Variants in DTWD2 observed in about 807,000 individuals in gnomAD.
DTWD2 encodes the protein DTW motif tRNA-uridine aminocarboxypropyltransferase 2.
DTWD2 carries 39 observed loss-of-function variants against 31.8 expected under a neutral mutation model. The observed-to-expected ratio is 1.22, with a 90% confidence interval of 0.95 to 1.60. The LOEUF is 1.60. DTWD2 is among the 40% of genes most tolerant of loss of function. The pLI, the probability that DTWD2 is intolerant of heterozygous loss-of-function variation, is 0.00. For synonymous variants in DTWD2, 180 were observed against 142.8 expected (o/e 1.26, Z -1.86); for missense variants, 515 against 381.5 (o/e 1.35, Z -2.92).
At chr5:118,842,042 C>T (rs914875505) in intron 5 of DTWD2, among the ~76,000 whole-genome samples, 1 of 152,108 alleles carries the variant, frequency 6.6e-6, no homozygotes, top group Non-Finnish European at 1.5e-5. Context: ...CTCTTACATG[C>T]GGCCAAATAT....
In DTWD2 at chr5:118,988,492, G is replaced by A. The variant is rs1037464068; in HGVS notation, c.20C>T (p.Ala7Val). Residue 7 changes from alanine (A) to valine (V), a missense_variant, in exon 1 of 6, where the codon GCA (alanine) becomes GTA (valine). Physicochemically the swap from Ala to Val is moderately conservative, Grantham distance 64. Coordinates refer to ENST00000510708, the MANE Select transcript of DTWD2 (RefSeq NM_173666.4). ...CGCAACGGGCTCCTGGAGTGTTCGT[G>A]CCTCTTTCTGCGACTCCATGGCGGA... is the stretch of plus-strand genomic sequence containing the variant. MESQKE[A>V]RTLQEPVARP... is the part of the protein sequence containing the mutation. 1.3e-6 allele frequency: 2 copies of A among 1,584,264 alleles called. No individual in the cohort carries two copies. The highest frequency in any genetic ancestry group is 1.8e-5 in the Admixed American group (1 of 56,346).
At chr5:118,866,811 G>T (rs1305229174) in intron 4 of DTWD2, among the ~76,000 whole-genome samples, 1 of 151,970 alleles carries the variant, frequency 6.6e-6, no homozygotes, top group East Asian at 1.9e-4. Context: ...CAGCTACTCA[G>T]GAGGCTAAGG....
intron 1 of DTWD2, chr5:118,973,656 CGG>C (rs1755049259): frequency 1.2e-5 from 10 of 840,788 alleles, no homozygotes; most frequent in Middle Eastern, 3.4e-4. Flanking sequence ...TCCTTGCTCG[CGG>C]CAGCCTCCTT....
At chr5:118,850,309 CA>C (rs74980941) in intron 4 of DTWD2, among the ~76,000 whole-genome samples, 5,407 of 63,100 alleles carry the variant, frequency 0.086, 359 homozygotes, top group African/African-American at 0.24. Context: ...ACCAAAAATA[CA>C]AAAAAAAAAA....
At position 118,837,261 on chromosome 5, in the gene DTWD2, G is replaced by A. The variant is rs1368269716; in HGVS notation, c.*3656C>T. 2 of 152,092 alleles carry A rather than the reference G, an allele frequency of 1.3e-5. No homozygotes were observed. The highest frequency in any genetic ancestry group is 4.8e-5 in the African/African-American group (2 of 41,424). 9.4% of individuals were successfully genotyped at this position (152,092 alleles called of 1,614,324 possible). On this transcript the variant is annotated 3_prime_UTR_variant, in exon 6 of 6. Transcript: ENST00000510708. Reference sequence around the variant, plus strand: ...AATTTAGATTGGACAATTTAAGAGAGTAATTCATTCTACAAAAAGCCTACT... The same window carrying A: ...AATTTAGATTGGACAATTTAAGAGAATAATTCATTCTACAAAAAGCCTACT...
intron 4 of DTWD2, among the ~76,000 whole-genome samples, chr5:118,919,208 T>A (rs1490851068): frequency 6.6e-6 from 1 of 152,260 alleles, no homozygotes; most frequent in Non-Finnish European, 1.5e-5. Flanking sequence ...TGTCATCATC[T>A]GCTGGTGCAA....
intron 4 of DTWD2, among the ~76,000 whole-genome samples, chr5:118,854,284 A>G (rs1752080632): frequency 6.6e-6 from 1 of 152,128 alleles, no homozygotes; most frequent in African/African-American, 2.4e-5. Flanking sequence ...TCCTAGGACT[A>G]TTAAAGGATT....
chr5:118,938,347 T>C (rs1158565452), intron 3 of DTWD2, among the ~76,000 whole-genome samples: 1 of 152,182 alleles, frequency 6.6e-6, no homozygotes, highest in Non-Finnish European at 1.5e-5. Context: ...ATTTAGAAAG[T>C]TACTGGATAT....
At position 118,843,381 on chromosome 5, in the gene DTWD2, G is replaced by A. The variant is rs1751771686; in HGVS notation, c.727-2294C>T. ...AGGAAGGGAGGAAGGGAGGAAGGAA[G>A]GAGAGAGATAGAAAGAAAAAAGGTA... On this transcript the variant is annotated intron_variant, in intron 5 of 5. Transcript: ENST00000510708. Among the ~76,000 whole-genome samples the A allele has an allele frequency of 2.6e-5, 4 of 151,798 alleles. No individual in the cohort carries two copies. In the South Asian group the frequency reaches 8.3e-4, roughly 32 times the overall value.
chr5:118,864,726 G>A (rs1752345467), intron 4 of DTWD2, among the ~76,000 whole-genome samples: 1 of 151,284 alleles, frequency 6.6e-6, no homozygotes, highest in Non-Finnish European at 1.5e-5. Context: ...TGGCAAAACA[G>A]AAACGGATGC....
At chr5:118,889,692 T>C (rs1045691161) in intron 4 of DTWD2, among the ~76,000 whole-genome samples, 3 of 152,192 alleles carry the variant, frequency 2.0e-5, no homozygotes, top group South Asian at 4.1e-4. Context: ...TTTTCCGCCA[T>C]GTAAATATAT....
At chr5:118,866,640 C>T (rs1178478775) in intron 4 of DTWD2, among the ~76,000 whole-genome samples, 1 of 151,920 alleles carries the variant, frequency 6.6e-6, no homozygotes, top group Admixed American at 6.6e-5. Flanking sequence ...AAATTCAGGC[C>T]GGGGGTGGTG....
chr5:118,884,236 G>T (rs574234915), intron 4 of DTWD2, among the ~76,000 whole-genome samples: 8 of 152,236 alleles, frequency 5.3e-5, no homozygotes. Flanking sequence ...AGTTCCTTTT[G>T]TATGTTTTTC....
At chr5:118,951,890 G>T (rs1754473793) in intron 1 of DTWD2, among the ~76,000 whole-genome samples, 1 of 152,180 alleles carries the variant, frequency 6.6e-6, no homozygotes, top group South Asian at 2.1e-4. Flanking sequence ...GAATAATCAG[G>T]CAGGTGTCCC....
At chr5:118,937,838 T>C (rs1754078680) in intron 3 of DTWD2, among the ~76,000 whole-genome samples, 1 of 151,384 alleles carries the variant, frequency 6.6e-6, no homozygotes, top group African/African-American at 2.4e-5. Context: ...CTGGTATCTG[T>C]GTGTAATAAA....
rs543866554 is a variant in DTWD2, at chr5:118,988,485, T to C, written c.27A>G (p.Thr9=). 5.0e-6 allele frequency: 8 copies of C among 1,588,964 alleles called. No homozygotes were observed. The highest frequency in any genetic ancestry group is 1.1e-5 in the South Asian group (1 of 89,092). The change falls in exon 1 of 6, where the codon ACA becomes ACG. Residue 9 remains threonine (T), a synonymous_variant. Transcript: ENST00000510708. ...AAGGCCGCGCAACGGGCTCCTGGAG[T>C]GTTCGTGCCTCTTTCTGCGACTCCA... MESQKEAR[T]LQEPVARPSG...
At chr5:118,967,162 A>G (rs985283358) in intron 1 of DTWD2, among the ~76,000 whole-genome samples, 3 of 152,196 alleles carry the variant, frequency 2.0e-5, no homozygotes, top group Non-Finnish European at 4.4e-5. Flanking sequence ...GTTGCAGATA[A>G]AGAGAGTCAG....
At chr5:118,919,966 T>C in intron 4 of DTWD2, among the ~76,000 whole-genome samples, 1 of 151,970 alleles carries the variant, frequency 6.6e-6, no homozygotes. Context: ...CCAATTAGTC[T>C]CCTTTCTTTG....
intron 4 of DTWD2, among the ~76,000 whole-genome samples, chr5:118,884,953 G>A (rs1031663451): frequency 6.1e-5 from 8 of 130,104 alleles, no homozygotes; most frequent in African/African-American, 9.1e-5. Flanking sequence ...CCGAGACTAC[G>A]CCACTGCACT....
Sources: allele counts gnomAD v4.1 joint callset (sites outside exome capture counted in the v4.1 genomes callset), GRCh38; gene constraint gnomAD v4.1.1; transcripts MANE v1.5; gene names NCBI Gene and HGNC (gene_info 2026-07-23, HGNC 2026-07-21).